The following ULK4 variants were observed in gnomAD, a reference collection of about 807,000 sequenced individuals.
The protein encoded by ULK4 is inactive serine/threonine-protein kinase ULK4.
ULK4 carries 133 observed loss-of-function variants against 160.6 expected under a neutral mutation model. That is an observed-to-expected ratio of 0.83 (90% CI 0.72 to 0.96). The LOEUF (loss-of-function observed/expected upper bound fraction) is 0.96. Among genes scored for constraint, ULK4 ranks in the 40% least tolerant of loss-of-function variants. The pLI, the probability that ULK4 is intolerant of heterozygous loss-of-function variation, is 0.00. For missense variants in ULK4, 1,580 were observed against 1,499.5 expected (o/e 1.05, Z -0.89); for synonymous variants, 534 against 539.8 (o/e 0.99, Z 0.15).
chr3:41,318,878 TA>T lies in ULK4; in HGVS notation c.3679-69305del, dbSNP rs564358463. Among the ~76,000 whole-genome samples the T allele has an allele frequency of 3.0e-3, 457 of 152,322 alleles. 5 individuals carry two copies. The highest frequency in any genetic ancestry group is 4.5e-3 in the Admixed American group (69 of 15,302). On this transcript the variant is annotated intron_variant, in intron 35 of 36. Transcript: ENST00000301831. Reference sequence around the variant, plus strand: ...ATCAGTGATGCCCCTTTATAACCTGTAAAAGATGACAGATCCATCCAGAAAC... The same window carrying T: ...ATCAGTGATGCCCCTTTATAACCTGTAAAGATGACAGATCCATCCAGAAAC...
At position 41,511,390 on chromosome 3, in the gene ULK4, A is replaced by G. The variant is rs901734600; in HGVS notation, c.3227-48137T>C. Among the ~76,000 whole-genome samples, 4 of 152,160 alleles carry G rather than the reference A, an allele frequency of 2.6e-5. No homozygotes were observed. The East Asian group carries it at 7.7e-4, about 29-fold the overall frequency. ...AGATAAATAAAATTGATAGACCATT[A>G]GTGAGATTAACCAAGAAAAGAAGAG... is the stretch of plus-strand genomic sequence containing the variant. On this transcript the variant is annotated intron_variant, in intron 32 of 36. Coordinates refer to ENST00000301831, the MANE Select transcript of ULK4 (RefSeq NM_017886.4).
chr3:41,385,035 CAG>C lies in ULK4; in HGVS notation c.3678+13042_3678+13043del, dbSNP rs536799321. ...CACCACTGCATTCCTGCCTGAACAA[CAG>C]AGAGACCTTGTCTCAAAAAATAAAA... On this transcript the variant is annotated intron_variant, in intron 35 of 36. Transcript: ENST00000301831. Among the ~76,000 whole-genome samples, 34 of 151,924 alleles carry C rather than the reference CAG, an allele frequency of 2.2e-4. No individual in the cohort carries two copies. In the East Asian group the frequency reaches 3.9e-3, roughly 17 times the overall value.
intron 18 of ULK4, 29 bp from the exon 19 acceptor site, chr3:41,819,535 G>C (rs1213485262): frequency 4.4e-6 from 7 of 1,602,068 alleles, no homozygotes; most frequent in Middle Eastern, 1.7e-4. Flanking sequence ...AAAAAAGGCA[G>C]TGAAGCTAAC....
chr3:41,248,850 G>A (rs997262672), intron 36 of ULK4, among the ~76,000 whole-genome samples: 2 of 152,212 alleles, frequency 1.3e-5, no homozygotes, highest in Non-Finnish European at 2.9e-5. Flanking sequence ...ATGCTCCTGG[G>A]TGATAGGCCT....
Position 41,681,599 on chromosome 3 carries a change from C to T in ULK4, c.2887G>A (p.Val963Met), listed in dbSNP as rs188590896. ...TTGCCATCCCCAAACTCCTGGTTCACGAGTAGAGATGTGGTTTCTGAGAGC... is the reference window on the plus strand; with the variant it reads ...TTGCCATCCCCAAACTCCTGGTTCATGAGTAGAGATGTGGTTTCTGAGAGC... ...RLLSETTSLL[V>M]NQEFGDGKEK... The change falls in exon 29 of 37, where the codon GTG becomes ATG. Residue 963 changes from valine (V) to methionine (M), a missense_variant. Physicochemically the swap from Val to Met is conservative, Grantham distance 21. Transcript: ENST00000301831. 4.1e-3 allele frequency: 6,694 copies of T among 1,613,728 alleles called. 16 individuals carry two copies. Among genetic ancestry groups the T allele is most frequent in the Non-Finnish European group, 4.8e-3 (5,665 of 1,179,946 alleles).
intron 31 of ULK4, among the ~76,000 whole-genome samples, chr3:41,608,287 T>A (rs942237904): frequency 6.6e-6 from 1 of 152,202 alleles, no homozygotes; most frequent in African/African-American, 2.4e-5. Context: ...TTCTTCTTTT[T>A]CTTGCTCATC....
chr3:41,776,565 G>T (rs566696117), intron 21 of ULK4, among the ~76,000 whole-genome samples: 1 of 150,600 alleles, frequency 6.6e-6, no homozygotes, highest in African/African-American at 2.5e-5. Flanking sequence ...TCTGAGGTAA[G>T]TTTAAAAAGG....
intron 21 of ULK4, among the ~76,000 whole-genome samples, chr3:41,755,784 C>T (rs1383006279): frequency 6.6e-6 from 1 of 152,152 alleles, no homozygotes; most frequent in Non-Finnish European, 1.5e-5. Context: ...AGAACACTAT[C>T]GGGAGAACTG....
chr3:41,500,764 G>C (rs1445224107), intron 32 of ULK4, among the ~76,000 whole-genome samples: 1 of 152,124 alleles, frequency 6.6e-6, no homozygotes, highest in African/African-American at 2.4e-5. Context: ...CTGGAACTCG[G>C]GGCCAGCAGA....
At chr3:41,881,876 T>C (rs1697535769) in intron 17 of ULK4, among the ~76,000 whole-genome samples, 1 of 152,114 alleles carries the variant, frequency 6.6e-6, no homozygotes, top group Non-Finnish European at 1.5e-5. Flanking sequence ...GTACAACAAC[T>C]GGAGTAAGAG....
At chr3:41,602,004 G>A (rs1021914241) in intron 31 of ULK4, among the ~76,000 whole-genome samples, 4 of 151,980 alleles carry the variant, frequency 2.6e-5, no homozygotes, top group African/African-American at 9.7e-5. Flanking sequence ...TACCAGGCTG[G>A]GCAACATAGT....
intron 35 of ULK4, among the ~76,000 whole-genome samples, chr3:41,269,408 T>C (rs1443117225): frequency 6.6e-6 from 1 of 152,042 alleles, no homozygotes; most frequent in Non-Finnish European, 1.5e-5. Flanking sequence ...CAGGAATTGA[T>C]GGTCCTGTAC....
Position 41,681,621 on chromosome 3 carries a change from G to A in ULK4, c.2865C>T (p.Leu955=), listed in dbSNP as rs766866767. 3.7e-6 allele frequency: 6 copies of A among 1,613,528 alleles called. No homozygotes were observed. The highest frequency in any genetic ancestry group is 4.2e-6 in the Non-Finnish European group (5 of 1,179,924). ...VEWRLFSLRL[L]SETTSLLVNQ... is the part of the protein sequence containing the mutation. ...TCACGAGTAGAGATGTGGTTTCTGA[G>A]AGCAACCGCAAGCTAAAGAGTCTCC... is the stretch of plus-strand genomic sequence containing the variant. The change falls in exon 29 of 37, where the codon CTC becomes CTT. Residue 955 remains leucine, a synonymous_variant. Transcript: ENST00000301831.
At chr3:41,809,901 A>T (rs1263955286) in intron 19 of ULK4, among the ~76,000 whole-genome samples, 1 of 152,222 alleles carries the variant, frequency 6.6e-6, no homozygotes, top group Non-Finnish European at 1.5e-5. Flanking sequence ...AAATGATATT[A>T]GTATACAATA....
intron 34 of ULK4, among the ~76,000 whole-genome samples, chr3:41,409,896 C>T (rs1575525536): frequency 6.6e-6 from 1 of 151,554 alleles, no homozygotes; most frequent in African/African-American, 2.4e-5. Context: ...TTGCAGTGAG[C>T]AGAGATCACG....
intron 18 of ULK4, among the ~76,000 whole-genome samples, chr3:41,820,454 T>C (rs571586131): frequency 6.6e-6 from 1 of 152,176 alleles, no homozygotes; most frequent in Non-Finnish European, 1.5e-5. Context: ...AAATGTAGTA[T>C]ATATCCACCA....
chr3:41,367,176 A>T (rs1244572019), intron 35 of ULK4, among the ~76,000 whole-genome samples: 3 of 152,134 alleles, frequency 2.0e-5, no homozygotes, highest in Non-Finnish European at 2.9e-5. Flanking sequence ...ATGCCCAGCA[A>T]TTCTTGCCTG....
intron 32 of ULK4, among the ~76,000 whole-genome samples, chr3:41,508,083 C>T (rs564853177): frequency 1.1e-3 from 175 of 152,284 alleles, no homozygotes; most frequent in Admixed American, 3.0e-3. Context: ...GAGTCGGTGC[C>T]GCTGGGGAGC....
At chr3:41,558,664 A>T (rs922018148) in intron 32 of ULK4, among the ~76,000 whole-genome samples, 1 of 151,262 alleles carries the variant, frequency 6.6e-6, no homozygotes, top group African/African-American at 2.4e-5. Flanking sequence ...AGATCACGCC[A>T]TGGCACTTCA....
Sources: allele counts gnomAD v4.1 joint callset (sites outside exome capture counted in the v4.1 genomes callset), GRCh38; gene constraint gnomAD v4.1.1; transcripts MANE v1.5; gene names NCBI Gene and HGNC (gene_info 2026-07-23, HGNC 2026-07-21).